Variants in TIAM1 observed in about 807,000 individuals in gnomAD.
TIAM1 encodes the protein rho guanine nucleotide exchange factor TIAM1.
Under a neutral mutation model 163.5 loss-of-function variants are expected in TIAM1, and 65 were observed. That is an observed-to-expected ratio of 0.40 (90% CI 0.33 to 0.49). The LOEUF (loss-of-function observed/expected upper bound fraction) is 0.49. TIAM1 is among the 20% of genes least tolerant of loss of function. The pLI, the probability that TIAM1 is intolerant of heterozygous loss-of-function variation, is 0.77. For missense variants in TIAM1, 1,789 were observed against 2,044.7 expected (o/e 0.87, Z 2.41); for synonymous variants, 833 against 810.1 (o/e 1.03, Z -0.48).
intron 2 of TIAM1, among the ~76,000 whole-genome samples, chr21:31,322,481 G>A (rs1164944374): frequency 1.3e-5 from 2 of 152,046 alleles, no homozygotes; most frequent in East Asian, 3.9e-4. Flanking sequence ...CATCTTATAG[G>A]GGAAGGAACT....
At chr21:31,280,030 G>A (rs577127289) in intron 2 of TIAM1, among the ~76,000 whole-genome samples, 31 of 148,198 alleles carry the variant, frequency 2.1e-4, no homozygotes, top group Admixed American at 4.0e-4. Context: ...ACACGCGTGC[G>A]CGCACACACA....
At chr21:31,168,699 C>T (rs1270988699) in intron 15 of TIAM1, among the ~76,000 whole-genome samples, 1 of 152,142 alleles carries the variant, frequency 6.6e-6, no homozygotes, top group African/African-American at 2.4e-5. Flanking sequence ...TGTGCCAGGC[C>T]CCCTGACATT....
At chr21:31,254,233 G>C (rs1464067400) in intron 4 of TIAM1, among the ~76,000 whole-genome samples, 1 of 152,198 alleles carries the variant, frequency 6.6e-6, no homozygotes, top group Admixed American at 6.5e-5. Context: ...AAGAGGAAGG[G>C]ACTTGGCAAA....
intron 2 of TIAM1, among the ~76,000 whole-genome samples, chr21:31,307,436 G>A (rs572741947): frequency 3.3e-5 from 5 of 152,160 alleles, no homozygotes; most frequent in Admixed American, 2.0e-4. Flanking sequence ...TCCAGAACAC[G>A]GCCAGAACTA....
At chr21:31,242,540 T>C (rs1248504601) in intron 6 of TIAM1, among the ~76,000 whole-genome samples, 1 of 152,138 alleles carries the variant, frequency 6.6e-6, no homozygotes, top group Admixed American at 6.6e-5. Context: ...AGATGGAAGC[T>C]AGTTGCCTGA....
At chr21:31,526,588 T>C (rs75791820) in intron 1 of TIAM1, among the ~76,000 whole-genome samples, 11,667 of 152,262 alleles carry the variant, frequency 0.077, 1,221 homozygotes, top group African/African-American at 0.23. Context: ...ATGCAGACCC[T>C]GCATGGCCAC....
intron 2 of TIAM1, among the ~76,000 whole-genome samples, chr21:31,337,039 A>G (rs973966468): frequency 3.3e-5 from 5 of 152,236 alleles, no homozygotes; most frequent in African/African-American, 1.2e-4. Flanking sequence ...ACGGTGATCA[A>G]GAGACTAGAC....
chr21:31,262,716 C>A (rs1056232342), intron 4 of TIAM1, among the ~76,000 whole-genome samples: 8 of 152,156 alleles, frequency 5.3e-5, no homozygotes, highest in African/African-American at 1.9e-4. Context: ...ATTTTCAAAT[C>A]AAATGAAGTT....
chr21:31,187,766 G>A (rs530109519), intron 13 of TIAM1, among the ~76,000 whole-genome samples: 6 of 152,196 alleles, frequency 3.9e-5, no homozygotes, highest in Non-Finnish European at 7.4e-5. Context: ...GGTATTCTAC[G>A]TGGCTTGAGG....
At chr21:31,398,479 TG>T (rs1430908275) in intron 2 of TIAM1, among the ~76,000 whole-genome samples, 1 of 152,198 alleles carries the variant, frequency 6.6e-6, no homozygotes, top group Non-Finnish European at 1.5e-5. Flanking sequence ...AACATAGCCA[TG>T]GGAAGTAGCC....
chr21:31,164,213 AC>A (rs1179760408), intron 16 of TIAM1, among the ~76,000 whole-genome samples: 2 of 152,238 alleles, frequency 1.3e-5, no homozygotes, highest in South Asian at 2.1e-4. Context: ...ACACGGTGAA[AC>A]CCTGTCTCTA....
Position 31,222,703 on chromosome 21 carries a change from ATATATTTTTTTTTTTTTTT to A in TIAM1, c.1995+684_1995+702del, listed in dbSNP as rs1290155547. On this transcript the variant is annotated intron_variant, in intron 8 of 27. Transcript: ENST00000541036. ...TATATATATATATATATATATATAT[ATATATTTTTTTTTTTTTTT>A]TTTTTTTTTTTTTGAGACAGAGTCT... Among the ~76,000 whole-genome samples, 60 of 43,276 alleles carry A rather than the reference ATATATTTTTTTTTTTTTTT, an allele frequency of 1.4e-3. 2 individuals carry two copies. Among genetic ancestry groups the A allele is most frequent in the Middle Eastern group, 0.013 (1 of 78 alleles). 28.4% of individuals were successfully genotyped at this position (43,276 alleles called of 152,430 possible).
At chr21:31,193,508 T>A (rs2085666748) in intron 13 of TIAM1, among the ~76,000 whole-genome samples, 1 of 152,208 alleles carries the variant, frequency 6.6e-6, no homozygotes, top group Non-Finnish European at 1.5e-5. Flanking sequence ...GGAGTTATCC[T>A]CATTCTACGT....
intron 2 of TIAM1, among the ~76,000 whole-genome samples, chr21:31,357,265 C>A (rs1300653313): frequency 6.6e-6 from 1 of 152,170 alleles, no homozygotes; most frequent in Non-Finnish European, 1.5e-5. Flanking sequence ...TCTGTCTATT[C>A]CCTCACCCAC....
chr21:31,124,232 T>C (rs1373983183), intron 27 of TIAM1: 2 of 320,710 alleles, frequency 6.2e-6, no homozygotes, highest in Non-Finnish European at 5.6e-6. Flanking sequence ...AGAGGATGTG[T>C]CTGCAACCCG....
intron 6 of TIAM1, among the ~76,000 whole-genome samples, chr21:31,237,202 G>T (rs2070940024): frequency 6.6e-6 from 1 of 152,196 alleles, no homozygotes; most frequent in Non-Finnish European, 1.5e-5. Context: ...TTTGAGAGGG[G>T]CACTGGGTCA....
At chr21:31,509,561 T>C (rs1001584520) in intron 1 of TIAM1, among the ~76,000 whole-genome samples, 3 of 152,118 alleles carry the variant, frequency 2.0e-5, no homozygotes, top group African/African-American at 7.2e-5. Flanking sequence ...AACCAGCCGT[T>C]TCATAGCATG....
intron 15 of TIAM1, 75 bp from the exon 16 acceptor site, chr21:31,165,140 G>A: frequency 7.3e-7 from 1 of 1,364,802 alleles, no homozygotes; most frequent in Non-Finnish European, 1.0e-6. Flanking sequence ...GTGTGAGGGG[G>A]ACAAGGAATC....
At chr21:31,479,746 G>A (rs1415132327) in intron 1 of TIAM1, among the ~76,000 whole-genome samples, 1 of 152,170 alleles carries the variant, frequency 6.6e-6, no homozygotes, top group Non-Finnish European at 1.5e-5. Flanking sequence ...AACAGTACCT[G>A]TAAGTGCCTA....
Sources: gnomAD v4.1 joint callset for allele counts (sites outside exome capture counted in the v4.1 genomes callset) on GRCh38, gnomAD v4.1.1 for gene constraint, MANE v1.5 for transcripts, NCBI Gene and HGNC (gene_info 2026-07-23, HGNC 2026-07-21) for gene names.